Variants in PLEKHG5 observed in about 807,000 individuals in gnomAD.
PLEKHG5 encodes the protein pleckstrin homology domain-containing family G member 5.
In PLEKHG5, 52 loss-of-function variants were observed where a neutral mutation model predicts 103.8. The observed-to-expected ratio is 0.50, with a 90% confidence interval of 0.40 to 0.63. PLEKHG5 has a LOEUF of 0.63. Ranked by LOEUF, PLEKHG5 falls within the 30% of genes least tolerant of loss-of-function variation. PLEKHG5 has a pLI of 0.00. For synonymous variants in PLEKHG5, 592 were observed against 575.5 expected (o/e 1.03, Z -0.41); for missense variants, 1,205 against 1,347.6 (o/e 0.89, Z 1.66).
rs1219661084 is a variant in PLEKHG5 at position 6,490,767 on chromosome 1, CA to C, written c.-88+869del. Reference sequence around the variant, plus strand: ...CTTGGGGTAATCCAGGATCCGGGCTCAGGGGAGGGGGTGGGGGGCGTCACTG... The same window carrying C: ...CTTGGGGTAATCCAGGATCCGGGCTCGGGGAGGGGGTGGGGGGCGTCACTG... On this transcript the variant is annotated intron_variant, in intron 1 of 20. Transcript: ENST00000377728. This position sits in a 1 kb window ranked among gnomAD's most constrained non-coding sequence, Gnocchi z 8.0. Among the ~76,000 whole-genome samples the C allele has an allele frequency of 1.3e-5, 2 of 151,556 alleles. No homozygotes were observed. The highest frequency in any genetic ancestry group is 3.2e-3 in the Middle Eastern group (1 of 316).
chr1:6,484,647 C>A (rs1012232903), intron 1 of PLEKHG5, among the ~76,000 whole-genome samples: 2 of 152,142 alleles, frequency 1.3e-5, no homozygotes, highest in Non-Finnish European at 2.9e-5. Context: ...GGCGGAATGG[C>A]CCCTTCTTGA....
chr1:6,469,623 C>T lies in PLEKHG5; in HGVS notation c.1854G>A (p.Val618=). Residue 618 remains valine, a synonymous_variant, in exon 17 of 21, where the codon GTG becomes GTA. Transcript: ENST00000377728. ...FTDLLLVTKA[V]KKAERTRVIR... is the part of the protein sequence containing the mutation. Reference sequence around the variant, plus strand: ...TGACCCTGGTCCTCTCTGCCTTCTTCACTGCTTTGGTCACCAACAGCAGAT... The same window carrying T: ...TGACCCTGGTCCTCTCTGCCTTCTTTACTGCTTTGGTCACCAACAGCAGAT... 1 of 1,613,816 alleles carries T rather than the reference C, an allele frequency of 6.2e-7. No individual in the cohort carries two copies. The highest frequency in any genetic ancestry group is 8.5e-7 in the Non-Finnish European group (1 of 1,180,028).
intron 2 of PLEKHG5, among the ~76,000 whole-genome samples, chr1:6,477,293 G>A (rs572760747): frequency 6.6e-6 from 1 of 152,364 alleles, no homozygotes; most frequent in Admixed American, 6.5e-5. Flanking sequence ...GCTGGGGGAG[G>A]TGAGAACCAG....
chr1:6,474,587 C>A lies in PLEKHG5; in HGVS notation c.303G>T (p.Gly101=), dbSNP rs930826720. The A allele has an allele frequency of 6.2e-7, 1 of 1,613,542 alleles. No individual in the cohort carries two copies. The highest frequency in any genetic ancestry group is 1.1e-5 in the South Asian group (1 of 91,084). The change falls in exon 6 of 21, where the codon GGG becomes GGT. Residue 101 remains glycine (G), a splice_region_variant and synonymous_variant. Coordinates refer to ENST00000377728, the MANE Select transcript of PLEKHG5 (RefSeq NM_020631.6). ...TTTCAAATACAGGCAGCAGCACCTCCCTGCCCCCAGGACAGGAGGCATGTG... is the reference window on the plus strand; with the variant it reads ...TTTCAAATACAGGCAGCAGCACCTCACTGCCCCCAGGACAGGAGGCATGTG... ...IVPAMKKKSL[G]EVLLPVFERK...
At chr1:6,497,372 G>T, upstream of PLEKHG5, 1 of 1,085,686 alleles carries the variant, frequency 9.2e-7, no homozygotes, top group South Asian at 4.6e-5. This position sits in a 1 kb window ranked among gnomAD's most constrained non-coding sequence, Gnocchi z 6.1. Flanking sequence ...CGGGGGCGCC[G>T]GGGACGCCGG....
At chr1:6,513,458 C>T (rs1458100665) in intron 1 of PLEKHG5, among the ~76,000 whole-genome samples, 2 of 152,338 alleles carry the variant, frequency 1.3e-5, no homozygotes, top group Non-Finnish European at 2.9e-5. Flanking sequence ...GCAGCTGCCA[C>T]CTGCCGGGGA....
chr1:6,481,480 G>A (rs187736987), intron 1 of PLEKHG5, among the ~76,000 whole-genome samples: 39 of 151,856 alleles, frequency 2.6e-4, no homozygotes, highest in Admixed American at 7.9e-4. Context: ...GCAGTGAGCC[G>A]AGATTGTGCC....
upstream of PLEKHG5, among the ~76,000 whole-genome samples, chr1:6,498,883 G>A (rs1033943033): frequency 1.2e-4 from 19 of 152,216 alleles, no homozygotes; most frequent in Admixed American, 8.5e-4. Context: ...GGCAAGAGAC[G>A]GCCCTGTGAG....
At chr1:6,474,941 C>A in intron 5 of PLEKHG5, 106 bp downstream of exon 5, 1 of 821,548 alleles carries the variant, frequency 1.2e-6, no homozygotes, top group Non-Finnish European at 2.2e-6. Flanking sequence ...CGCTCACGGG[C>A]CACCACACAG....
intron 2 of PLEKHG5, 140 bp from the exon 3 acceptor site, chr1:6,476,176 A>G: frequency 1.4e-6 from 1 of 733,856 alleles, no homozygotes; most frequent in Non-Finnish European, 2.4e-6. Context: ...CTGTGAGGAG[A>G]GGGGCTCAGT....
At position 6,490,122 on chromosome 1, in the gene PLEKHG5, C is replaced by T. The variant is rs1333132691; in HGVS notation, c.-88+1515G>A. ...CAGATGGGGAGGATCGGCTGAGCCT[C>T]CCAGCCACGCCGCGCGCCCGGGCCC... is the stretch of plus-strand genomic sequence containing the variant. On this transcript the variant is annotated intron_variant, in intron 1 of 20. Coordinates refer to ENST00000377728, the MANE Select transcript of PLEKHG5 (RefSeq NM_020631.6). This position sits in a 1 kb window ranked among gnomAD's most constrained non-coding sequence, Gnocchi z 8.0. 6.6e-6 allele frequency among the ~76,000 whole-genome samples: 1 copy of T among 152,146 alleles called. No individual in the cohort carries two copies. Among genetic ancestry groups the T allele is most frequent in the Non-Finnish European group, 1.5e-5 (1 of 68,010 alleles).
chr1:6,471,395 G>C, intron 12 of PLEKHG5, 93 bp downstream of exon 12: 1 of 1,387,406 alleles, frequency 7.2e-7, no homozygotes, highest in Non-Finnish European at 9.8e-7. Context: ...GGGGGAGGTT[G>C]GGGATGCTGG....
At chr1:6,471,159 C>CCGACCAGGGGACCTCCTGG in intron 12 of PLEKHG5, 59 bp from the exon 13 acceptor site, 3 of 1,375,112 alleles carry the variant, frequency 2.2e-6, no homozygotes, top group Non-Finnish European at 3.0e-6. Flanking sequence ...CGGGCCGGCC[C>CCGACCAGGGGACCTCCTGG]GCGCCAGGCG....
intron 1 of PLEKHG5, among the ~76,000 whole-genome samples, chr1:6,519,063 C>G (rs1403406566): frequency 6.6e-6 from 1 of 152,190 alleles, no homozygotes; most frequent in Non-Finnish European, 1.5e-5. Flanking sequence ...AGGATGGTCT[C>G]GATCTCCTAA....
chr1:6,469,479 A>C (rs1482525759), intron 17 of PLEKHG5, 29 bp from the exon 18 acceptor site: 20 of 1,613,444 alleles, frequency 1.2e-5, no homozygotes, highest in Non-Finnish European at 1.7e-5. Context: ...AGTCAGTGTC[A>C]GCAGAGACGA....
chr1:6,475,906 C>A, intron 3 of PLEKHG5, 25 bp downstream of exon 3: 1 of 1,580,248 alleles, frequency 6.3e-7, no homozygotes, highest in Non-Finnish European at 8.7e-7. Context: ...CCAGGTATCT[C>A]TCTGCCCACT....
chr1:6,469,397 T>A lies in PLEKHG5; in HGVS notation c.1987A>T (p.Thr663Ser), dbSNP rs1212737816. The change falls in exon 18 of 21, where the codon ACG becomes TCG. Residue 663 changes from threonine (T) to serine (S), a missense_variant. Transcript: ENST00000377728. ...NEFHSAVGAYTFQASGQALCR... is the reference protein window; with the variant it reads ...NEFHSAVGAYSFQASGQALCR... ...AAGGCCTGGCCACTGGCCTGGAACG[T>A]GTAGGCCCCTACAGCACTGTGAAAC... The A allele has an allele frequency of 6.2e-7, 1 of 1,614,048 alleles. No homozygotes were observed. Among genetic ancestry groups the A allele is most frequent in the Non-Finnish European group, 8.5e-7 (1 of 1,180,050 alleles).
intron 2 of PLEKHG5, 53 bp downstream of exon 2, chr1:6,477,476 A>C: frequency 6.3e-7 from 1 of 1,594,228 alleles, no homozygotes; most frequent in East Asian, 2.2e-5. Flanking sequence ...CAGTTACTGA[A>C]ACACTGACAC....
upstream of PLEKHG5, among the ~76,000 whole-genome samples, chr1:6,494,074 C>A (rs1356454565): frequency 6.6e-6 from 1 of 151,692 alleles, no homozygotes; most frequent in Non-Finnish European, 1.5e-5. Context: ...ACCTCACCCT[C>A]CCCAGTAGCT....
Sources: gnomAD v4.1 joint callset for allele counts (sites outside exome capture counted in the v4.1 genomes callset) on GRCh38, gnomAD v4.1.1 for gene constraint, Gnocchi (gnomAD v3.1) non-coding constraint, MANE v1.5 for transcripts, NCBI Gene and HGNC (gene_info 2026-07-23, HGNC 2026-07-21) for gene names.